CTNNA2: variants seen among roughly 807,000 people sequenced by gnomAD.
The protein encoded by CTNNA2 is catenin alpha-2.
A neutral mutation model predicts 101.0 loss-of-function variants in CTNNA2; 42 were observed. The observed-to-expected ratio is 0.42, with a 90% CI of 0.32 to 0.54. The LOEUF (loss-of-function observed/expected upper bound fraction) is 0.54. Among genes scored for constraint, CTNNA2 ranks in the 20% least tolerant of loss-of-function variants. The pLI is 0.14. For synonymous variants in CTNNA2, 450 were observed against 456.4 expected (o/e 0.99, Z 0.18); for missense variants, 871 against 1,223.1 (o/e 0.71, Z 4.29).
At chr2:80,391,027 G>A (rs1677459334) in intron 7 of CTNNA2, among the ~76,000 whole-genome samples, 1 of 151,508 alleles carries the variant, frequency 6.6e-6, no homozygotes, top group African/African-American at 2.4e-5. Flanking sequence ...AGCTATTCAG[G>A]AGACTGAGGC....
At chr2:79,592,736 C>A (rs7587521) in intron 1 of CTNNA2, among the ~76,000 whole-genome samples, 1 of 152,078 alleles carries the variant, frequency 6.6e-6, no homozygotes, top group African/African-American at 2.4e-5. Flanking sequence ...TCTACAGTGC[C>A]CAGTCCTCTG....
chr2:79,907,684 C>T (rs1463565871), intron 6 of CTNNA2, among the ~76,000 whole-genome samples: 6 of 152,200 alleles, frequency 3.9e-5, no homozygotes, highest in South Asian at 2.1e-4. Context: ...CTTTTTCATC[C>T]GTTTTCTAAG....
At chr2:79,723,418 T>C (rs1686612120) in intron 2 of CTNNA2, among the ~76,000 whole-genome samples, 1 of 152,216 alleles carries the variant, frequency 6.6e-6, no homozygotes, top group Admixed American at 6.5e-5. Context: ...GCTTGATACA[T>C]GTTAGGATGT....
intron 2 of CTNNA2, among the ~76,000 whole-genome samples, chr2:79,730,701 A>G (rs1687142074): frequency 6.6e-6 from 1 of 152,022 alleles, no homozygotes; most frequent in African/African-American, 2.4e-5. Context: ...CATAGTTACC[A>G]TGATTTGATA....
At chr2:80,408,599 C>G (rs1305181690) in intron 8 of CTNNA2, among the ~76,000 whole-genome samples, 2 of 152,154 alleles carry the variant, frequency 1.3e-5, no homozygotes, top group African/African-American at 2.4e-5. Context: ...AAGCTTGTGC[C>G]TATTCACCAC....
chr2:80,524,997 T>C (rs1418937282), intron 9 of CTNNA2, among the ~76,000 whole-genome samples: 1 of 152,174 alleles, frequency 6.6e-6, no homozygotes, highest in Non-Finnish European at 1.5e-5. Context: ...ATGAGTAAGT[T>C]CTTTAGTAGT....
chr2:79,827,124 C>G (rs1166235405), intron 3 of CTNNA2, among the ~76,000 whole-genome samples: 2 of 152,020 alleles, frequency 1.3e-5, no homozygotes, highest in Non-Finnish European at 2.9e-5. Context: ...CTGCAACCTC[C>G]GCCTCCCAGG....
chr2:79,719,960 C>G (rs1573781600), intron 2 of CTNNA2, among the ~76,000 whole-genome samples: 2 of 152,128 alleles, frequency 1.3e-5, no homozygotes, highest in African/African-American at 4.8e-5. Flanking sequence ...GCCAAAAATT[C>G]TTTGCCAAGG....
intron 7 of CTNNA2, among the ~76,000 whole-genome samples, chr2:79,980,822 T>C (rs1006757226): frequency 6.6e-6 from 1 of 152,190 alleles, no homozygotes; most frequent in Non-Finnish European, 1.5e-5. Flanking sequence ...GTAGTCACAC[T>C]TTAGTAAATA....
In CTNNA2 at chr2:79,363,039, G is replaced by C. The variant is rs147537884; in HGVS notation, c.-317-10792G>C. 2.2e-3 allele frequency among the ~76,000 whole-genome samples: 342 copies of C among 152,334 alleles called. 2 individuals are homozygous for C. The highest frequency in any genetic ancestry group is 7.7e-3 in the African/African-American group (321 of 41,578). ...CTAACCTCTATCACTTCCTAGCTGT[G>C]TGGTCTTGGGACTGTTACTTAACTC... On this transcript the variant is annotated intron_variant, in intron 3 of 21. Transcript: ENST00000466387.
At chr2:79,298,108 CTT>C (rs758573227) in intron 2 of CTNNA2, among the ~76,000 whole-genome samples, 5 of 152,138 alleles carry the variant, frequency 3.3e-5, no homozygotes, top group Non-Finnish European at 7.3e-5. Context: ...TTTAAAAAGA[CTT>C]TTATTTGGCT....
At chr2:79,341,209 A>C (rs1222015693) in intron 3 of CTNNA2, among the ~76,000 whole-genome samples, 1 of 152,142 alleles carries the variant, frequency 6.6e-6, no homozygotes, top group Non-Finnish European at 1.5e-5. Context: ...TGAGAAAGCA[A>C]GTGGGAATAT....
intron 1 of CTNNA2, among the ~76,000 whole-genome samples, chr2:79,518,517 G>A (rs546556819): frequency 6.6e-6 from 1 of 152,212 alleles, no homozygotes; most frequent in South Asian, 2.1e-4. Context: ...GCCCCTTGAT[G>A]TTTTGGAACT....
chr2:80,638,467 G>A (rs1673101892), intron 18 of CTNNA2, among the ~76,000 whole-genome samples: 2 of 152,282 alleles, frequency 1.3e-5, no homozygotes, highest in South Asian at 4.1e-4. Context: ...GTGCTGAAAG[G>A]AAGGCAAGGA....
intron 9 of CTNNA2, among the ~76,000 whole-genome samples, chr2:80,533,117 A>C (rs1690684315): frequency 6.6e-6 from 1 of 152,316 alleles, no homozygotes; most frequent in Non-Finnish European, 1.5e-5. Flanking sequence ...TTATACATCT[A>C]ATTCCGTGTG....
intron 1 of CTNNA2, among the ~76,000 whole-genome samples, chr2:79,607,006 T>C (rs1235073900): frequency 1.3e-5 from 2 of 152,142 alleles, no homozygotes; most frequent in East Asian, 3.8e-4. Context: ...GAGTATCAGA[T>C]TGTATATAAA....
intron 7 of CTNNA2, among the ~76,000 whole-genome samples, chr2:80,181,643 C>T (rs966451145): frequency 6.6e-6 from 1 of 152,254 alleles, no homozygotes; most frequent in Non-Finnish European, 1.5e-5. Flanking sequence ...GAGCTAGAAT[C>T]CCCGAGTTCA....
At chr2:80,577,297 T>C (rs553477129) in intron 13 of CTNNA2, among the ~76,000 whole-genome samples, 16 of 152,078 alleles carry the variant, frequency 1.1e-4, no homozygotes, top group African/African-American at 3.9e-4. Context: ...CTAAAGGGGA[T>C]AGAGCTTCTG....
rs1197667415 is a variant in CTNNA2, at chr2:79,650,246, G to C, written c.-5-1306G>C. 2.0e-5 allele frequency among the ~76,000 whole-genome samples: 3 copies of C among 151,560 alleles called. No individual in the cohort carries two copies. The South Asian group carries it at 6.3e-4, about 32-fold the overall frequency. On this transcript the variant is annotated intron_variant, in intron 1 of 18. Coordinates refer to ENST00000402739, the MANE Select transcript of CTNNA2 (RefSeq NM_001282597.3). Reference sequence around the variant, plus strand: ...TGGAGACTGCTACCTGCATGTCAGTGGTTCTTAGGTAAGAGAGGATTGCTT... The same window carrying C: ...TGGAGACTGCTACCTGCATGTCAGTCGTTCTTAGGTAAGAGAGGATTGCTT...
Sources: allele counts gnomAD v4.1 joint callset (sites outside exome capture counted in the v4.1 genomes callset), GRCh38; gene constraint gnomAD v4.1.1; transcripts MANE v1.5; gene names NCBI Gene and HGNC (gene_info 2026-07-23, HGNC 2026-07-21).